GALK2: variants seen among roughly 807,000 people sequenced by gnomAD.
The protein encoded by GALK2 is galactokinase 2, also known as N-acetylgalactosamine kinase.
A neutral mutation model predicts 52.4 loss-of-function variants in GALK2; 36 were observed. That is an observed-to-expected ratio of 0.69 (90% CI 0.53 to 0.91). The LOEUF (loss-of-function observed/expected upper bound fraction) is 0.91. Among genes scored for constraint, GALK2 ranks in the 40% least tolerant of loss-of-function variants. The pLI is 0.00. For missense variants in GALK2, 579 were observed against 559.1 expected, an observed-to-expected ratio of 1.04 and a Z score of -0.36; for synonymous variants, 176 against 199.1, an observed-to-expected ratio of 0.88 and a Z score of 0.98.
intron 3 of GALK2, among the ~76,000 whole-genome samples, chr15:49,222,144 AT>A (rs200308336): frequency 1.0e-4 from 15 of 150,570 alleles, no homozygotes; most frequent in Admixed American, 3.3e-4. Context: ...ATTCTTAGGT[AT>A]TTTTTTTTGT....
At chr15:49,273,965 C>T (rs1425131037) in intron 5 of GALK2, among the ~76,000 whole-genome samples, 1 of 152,134 alleles carries the variant, frequency 6.6e-6, no homozygotes, top group Non-Finnish European at 1.5e-5. Context: ...GTTTAGGGGA[C>T]ACCCAGGACT....
At chr15:49,262,526 G>C (rs1566991801) in intron 5 of GALK2, among the ~76,000 whole-genome samples, 1 of 152,134 alleles carries the variant, frequency 6.6e-6, no homozygotes, top group Non-Finnish European at 1.5e-5. Flanking sequence ...CCAGCTCCTG[G>C]ATTCATTAAT....
chr15:49,338,690 A>C (rs1461535620), intron 3 of GALK2, among the ~76,000 whole-genome samples: 1 of 152,028 alleles, frequency 6.6e-6, no homozygotes, highest in Non-Finnish European at 1.5e-5. Context: ...TAGGTTGGGG[A>C]AGTTCTCCTG....
At chr15:49,156,263 G>T in intron 1 of GALK2, 11 of 501,630 alleles carry the variant, frequency 2.2e-5, no homozygotes, top group East Asian at 7.4e-5. Context: ...CCAAATTAAG[G>T]TAACAACGAC....
chr15:49,364,413 G>T (rs1008888101), intron 3 of GALK2, among the ~76,000 whole-genome samples: 1 of 152,086 alleles, frequency 6.6e-6, no homozygotes, highest in Non-Finnish European at 1.5e-5. Flanking sequence ...GATGTTCATA[G>T]TAGTCTTGGA....
intron 3 of GALK2, among the ~76,000 whole-genome samples, chr15:49,223,972 C>T (rs982570907): frequency 2.0e-5 from 3 of 151,918 alleles, no homozygotes; most frequent in African/African-American, 7.3e-5. Flanking sequence ...CTCCAAACTG[C>T]TTTCCACAGT....
At chr15:49,200,072 C>A (rs2087605440) in intron 1 of GALK2, among the ~76,000 whole-genome samples, 1 of 151,872 alleles carries the variant, frequency 6.6e-6, no homozygotes. Context: ...GTTTATCATC[C>A]TGGTGTTATT....
chr15:49,288,275 T>C (rs2033587781), intron 7 of GALK2, among the ~76,000 whole-genome samples: 1 of 152,102 alleles, frequency 6.6e-6, no homozygotes, highest in South Asian at 2.1e-4. Flanking sequence ...GGAAGTCAGG[T>C]AGGGAAGAGA....
chr15:49,318,295 G>A lies in GALK2; in HGVS notation c.968-1309G>A, dbSNP rs572767280. ...TAGCTGAAATTACAGTGTCACTGTG[G>A]GTAATCTGGAAAATACATATATGTG... On this transcript the variant is annotated intron_variant, in intron 8 of 9. Transcript: ENST00000560031. 4 of 152,030 alleles carry A rather than the reference G, an allele frequency of 2.6e-5. No homozygotes were observed. The East Asian group carries it at 5.8e-4, about 22-fold the overall frequency. 9.4% of individuals were successfully genotyped at this position (152,030 alleles called of 1,614,324 possible).
At chr15:49,366,352 T>TG in intron 3 of GALK2, 1 of 787,460 alleles carries the variant, frequency 1.3e-6, no homozygotes, top group South Asian at 1.3e-5. Flanking sequence ...CAACCAACAT[T>TG]GCTTCAGCAC....
At chr15:49,355,635 G>A (rs1449751103) in intron 3 of GALK2, among the ~76,000 whole-genome samples, 1 of 152,090 alleles carries the variant, frequency 6.6e-6, no homozygotes, top group Admixed American at 6.5e-5. Flanking sequence ...GAAAGTGATG[G>A]GGAGAATGGA....
chr15:49,251,088 A>G (rs1205142255), intron 5 of GALK2, among the ~76,000 whole-genome samples: 3 of 152,210 alleles, frequency 2.0e-5, no homozygotes, highest in African/African-American at 4.8e-5. Context: ...TGCCAAACCA[A>G]ATGTGATAGC....
chr15:49,165,577 T>A (rs2084792595), upstream of GALK2, among the ~76,000 whole-genome samples: 1 of 152,144 alleles, frequency 6.6e-6, no homozygotes, highest in Admixed American at 6.6e-5. Flanking sequence ...TATGCTGTAA[T>A]TGAGATATGC....
intron 5 of GALK2, among the ~76,000 whole-genome samples, chr15:49,256,684 C>T (rs972410071): frequency 6.6e-6 from 1 of 152,128 alleles, no homozygotes; most frequent in Non-Finnish European, 1.5e-5. Flanking sequence ...CCTGTTGCCC[C>T]CTTGATTAAA....
intron 2 of GALK2, among the ~76,000 whole-genome samples, chr15:49,204,759 A>G (rs1364331341): frequency 6.6e-6 from 1 of 152,086 alleles, no homozygotes; most frequent in Non-Finnish European, 1.5e-5. Flanking sequence ...ACATGAATAC[A>G]TTTTTTAGTG....
chr15:49,198,227 T>C (rs1239018880), intron 1 of GALK2, among the ~76,000 whole-genome samples: 2 of 152,198 alleles, frequency 1.3e-5, no homozygotes, highest in Non-Finnish European at 2.9e-5. Context: ...CAGGCTGGAG[T>C]GCAATGGCGC....
chr15:49,300,589 C>T (rs567943899), intron 8 of GALK2, among the ~76,000 whole-genome samples: 5 of 152,098 alleles, frequency 3.3e-5, no homozygotes, highest in South Asian at 4.2e-4. Flanking sequence ...CCCATAATCC[C>T]GACATGTCAT....
intron 5 of GALK2, among the ~76,000 whole-genome samples, chr15:49,264,842 A>C (rs2092293942): frequency 6.6e-6 from 1 of 152,210 alleles, no homozygotes; most frequent in Non-Finnish European, 1.5e-5. Context: ...GGTCCACTCC[A>C]GACCCTGTTT....
chr15:49,295,617 A>G (rs1207195290), intron 8 of GALK2, among the ~76,000 whole-genome samples: 2 of 152,118 alleles, frequency 1.3e-5, no homozygotes, highest in Admixed American at 6.6e-5. Context: ...TCCTGTCTTA[A>G]CTAAGTTCTG....
Sources: allele counts gnomAD v4.1 joint callset (sites outside exome capture counted in the v4.1 genomes callset), GRCh38; gene constraint gnomAD v4.1.1; transcripts MANE v1.5; gene names NCBI Gene and HGNC (gene_info 2026-07-23, HGNC 2026-07-21).